The following BBX variants were observed in gnomAD, a reference collection of about 807,000 sequenced individuals.
BBX encodes HMG box transcription factor BBX.
A neutral mutation model predicts 100.2 loss-of-function variants in BBX; 30 were observed. The ratio of observed to expected loss-of-function variants is 0.30; its 90% confidence interval spans 0.22 to 0.41. The LOEUF (loss-of-function observed/expected upper bound fraction) is 0.41. Ranked by LOEUF, BBX falls within the 10% of genes least tolerant of loss-of-function variation. The probability of loss-of-function intolerance (pLI) is 1.00; values close to 1 mark genes in which losing one functional copy is unlikely to be tolerated. For missense variants in BBX, 1,023 were observed against 1,129.8 expected (o/e 0.91, Z 1.35); for synonymous variants, 376 against 388.1 (o/e 0.97, Z 0.37).
At chr3:107,656,030 G>A (rs868839562) in intron 3 of BBX, among the ~76,000 whole-genome samples, 29 of 152,100 alleles carry the variant, frequency 1.9e-4, no homozygotes, top group African/African-American at 6.8e-4. Context: ...ATTACACACT[G>A]ATAACTATAT....
At chr3:107,542,493 A>G (rs1457298923) in intron 2 of BBX, among the ~76,000 whole-genome samples, 1 of 152,228 alleles carries the variant, frequency 6.6e-6, no homozygotes, top group Non-Finnish European at 1.5e-5. Flanking sequence ...GTTAGAAACT[A>G]TGAACTTTCT....
At chr3:107,805,248 T>A in intron 17 of BBX, 122 bp from the exon 18 acceptor site, 1 of 1,096,970 alleles carries the variant, frequency 9.1e-7, no homozygotes, top group Non-Finnish European at 1.3e-6. Context: ...TTTCATTAAA[T>A]GATGTAAGTA....
In BBX at chr3:107,783,137, A is replaced by G. The variant is rs139026525; in HGVS notation, c.2203+4618A>G. On this transcript the variant is annotated intron_variant, in intron 13 of 17. Coordinates refer to ENST00000325805, the MANE Select transcript of BBX (RefSeq NM_001142568.3). ...TCTGTAGACAAAATACCCAACATAT[A>G]CACTATGCTGATTGGCAGAAATCAA... 6.2e-3 allele frequency among the ~76,000 whole-genome samples: 950 copies of G among 152,238 alleles called. 9 individuals carry two copies. Among genetic ancestry groups the G allele is most frequent in the African/African-American group, 0.022 (896 of 41,562 alleles).
intron 2 of BBX, among the ~76,000 whole-genome samples, chr3:107,642,668 A>G (rs979554753): frequency 3.9e-5 from 6 of 152,200 alleles, no homozygotes; most frequent in Non-Finnish European, 8.8e-5. Flanking sequence ...GTATGAAAGC[A>G]TGAGTATTCT....
At chr3:107,671,845 C>G (rs1330275095) in intron 3 of BBX, among the ~76,000 whole-genome samples, 1 of 152,028 alleles carries the variant, frequency 6.6e-6, no homozygotes, top group East Asian at 1.9e-4. Flanking sequence ...AGAATAATGA[C>G]CACACGAATG....
At chr3:107,715,667 A>G (rs2062047852) in intron 4 of BBX, among the ~76,000 whole-genome samples, 1 of 152,246 alleles carries the variant, frequency 6.6e-6, no homozygotes, top group South Asian at 2.1e-4. Flanking sequence ...ATGGGCTTTA[A>G]GAAAGTTAAC....
intron 10 of BBX, among the ~76,000 whole-genome samples, chr3:107,765,047 T>G (rs2066268753): frequency 6.6e-6 from 1 of 152,212 alleles, no homozygotes; most frequent in Admixed American, 6.5e-5. Context: ...CTCATTTTGT[T>G]GAATATTTTT....
At chr3:107,690,892 C>CCTTTTTTTTTT (rs1553769848) in intron 3 of BBX, among the ~76,000 whole-genome samples, 1 of 41,190 alleles carries the variant, frequency 2.4e-5, no homozygotes, top group Non-Finnish European at 3.9e-5. Flanking sequence ...GCCCCCCCCC[C>CCTTTTTTTTTT]TTTTTTTTTT....
chr3:107,743,611 C>A (rs1348259683), intron 7 of BBX, among the ~76,000 whole-genome samples: 2 of 152,194 alleles, frequency 1.3e-5, no homozygotes, highest in Non-Finnish European at 2.9e-5. Context: ...AGAAACACGT[C>A]CTCAATGTCT....
intron 4 of BBX, 67 bp from the exon 5 acceptor site, chr3:107,716,540 G>A: frequency 1.3e-6 from 2 of 1,565,568 alleles, no homozygotes; most frequent in African/African-American, 1.4e-5. Flanking sequence ...TGCAAACCAA[G>A]ACTAACTGTT....
intron 2 of BBX, among the ~76,000 whole-genome samples, chr3:107,589,399 T>C (rs2053126668): frequency 6.6e-6 from 1 of 152,218 alleles, no homozygotes; most frequent in Non-Finnish European, 1.5e-5. Flanking sequence ...AATTCTGAAC[T>C]CTTTTTCTGT....
intron 3 of BBX, among the ~76,000 whole-genome samples, chr3:107,702,521 C>G (rs2061140389): frequency 6.6e-6 from 1 of 152,132 alleles, no homozygotes; most frequent in Non-Finnish European, 1.5e-5. Context: ...AGTATTGTTT[C>G]TATGTTCAAT....
At chr3:107,574,938 C>T (rs1327628586) in intron 2 of BBX, among the ~76,000 whole-genome samples, 2 of 152,086 alleles carry the variant, frequency 1.3e-5, no homozygotes, top group South Asian at 4.1e-4. Flanking sequence ...AAGTATCTGA[C>T]CACTGGCCAT....
At chr3:107,793,178 GAGTA>G (rs2069233419) in intron 15 of BBX, among the ~76,000 whole-genome samples, 1 of 152,102 alleles carries the variant, frequency 6.6e-6, no homozygotes, top group Admixed American at 6.5e-5. Context: ...CTGATATCTT[GAGTA>G]AGTATTGTGT....
At chr3:107,616,517 C>T (rs774103612) in intron 2 of BBX, among the ~76,000 whole-genome samples, 1 of 152,086 alleles carries the variant, frequency 6.6e-6, no homozygotes, top group East Asian at 1.9e-4. Flanking sequence ...ATGAATGATC[C>T]AGTTTCTCTG....
At chr3:107,722,187 A>T (rs2062590242) in intron 5 of BBX, among the ~76,000 whole-genome samples, 1 of 151,998 alleles carries the variant, frequency 6.6e-6, no homozygotes, top group African/African-American at 2.4e-5. Context: ...TTGTTAAGTA[A>T]ACACTTGTAT....
chr3:107,673,402 A>G (rs997245193), intron 3 of BBX, among the ~76,000 whole-genome samples: 1 of 152,088 alleles, frequency 6.6e-6, no homozygotes, highest in Admixed American at 6.6e-5. Flanking sequence ...TAAAATGGCC[A>G]TTTAAAATCT....
At chr3:107,540,261 T>C (rs972020944) in intron 2 of BBX, among the ~76,000 whole-genome samples, 4 of 152,164 alleles carry the variant, frequency 2.6e-5, no homozygotes, top group African/African-American at 9.7e-5. Flanking sequence ...ATGCAGCCCA[T>C]GGGGGTCAAA....
At chr3:107,565,676 G>T (rs1031668332) in intron 2 of BBX, among the ~76,000 whole-genome samples, 1 of 151,218 alleles carries the variant, frequency 6.6e-6, no homozygotes, top group African/African-American at 2.4e-5. Flanking sequence ...CACCATCTTG[G>T]TCAGACTGGT....
Sources: allele counts gnomAD v4.1 joint callset (sites outside exome capture counted in the v4.1 genomes callset), GRCh38; gene constraint gnomAD v4.1.1; transcripts MANE v1.5; gene names NCBI Gene and HGNC (gene_info 2026-07-23, HGNC 2026-07-21).